Variants in DIP2C observed in about 807,000 individuals in gnomAD.
DIP2C encodes DIP2 acetate--CoA ligase C (putative).
In DIP2C, 33 loss-of-function variants were observed where a neutral mutation model predicts 192.4. That is an observed-to-expected ratio of 0.17 (90% CI 0.13 to 0.23). The LOEUF is 0.23. Ranked by LOEUF, DIP2C falls within the 10% of genes least tolerant of loss-of-function variation. DIP2C has a pLI of 1.00. For missense variants in DIP2C, 1,537 were observed against 2,110.1 expected (o/e 0.73, Z 5.32); for synonymous variants, 979 against 864.1 (o/e 1.13, Z -2.33).
chr10:667,920 ACT>A (rs2132121870), intron 1 of DIP2C: 1 of 152,240 alleles, frequency 6.6e-6, no homozygotes, highest in East Asian at 1.9e-4. Flanking sequence ...AACACATGCA[ACT>A]CACATTCAAC....
At chr10:488,843 C>G (rs1844215195) in intron 1 of DIP2C, among the ~76,000 whole-genome samples, 1 of 152,190 alleles carries the variant, frequency 6.6e-6, no homozygotes, top group South Asian at 2.1e-4. Flanking sequence ...GAACTGTGCC[C>G]CAACCCAGTT....
At chr10:438,554 A>T (rs989933777) in intron 4 of DIP2C, among the ~76,000 whole-genome samples, 1 of 152,048 alleles carries the variant, frequency 6.6e-6, no homozygotes, top group African/African-American at 2.4e-5. Flanking sequence ...CAGTGGCATG[A>T]CCATGGCTCA....
Position 414,737 on chromosome 10 carries a change from G to GTATATATATATATATATATATATA in DIP2C, c.860-628_860-627insTATATATATATATATATATATATA, listed in dbSNP as rs1213629573. On this transcript the variant is annotated intron_variant, in intron 7 of 36. Transcript: ENST00000280886. ...TGTGTGTGTGTGTGTGTGTGTGTGT[G>GTATATATATATATATATATATATA]TGTACATATATATATATATAATGTG... Among the ~76,000 whole-genome samples the GTATATATATATATATATATATATA allele has an allele frequency of 9.1e-4, 51 of 55,768 alleles. 2 individuals are homozygous for GTATATATATATATATATATATATA. The highest frequency in any genetic ancestry group is 2.7e-3 in the South Asian group (3 of 1,098). 36.6% of individuals were successfully genotyped at this position (55,768 alleles called of 152,430 possible). A position where few individuals can be genotyped will look rare whatever the true frequency, so the allele number is the denominator to read the frequency against.
rs375097817 is a variant in DIP2C at position 387,561 on chromosome 10, G to A, written c.1662+184C>T. ...GGACTCCTGTGTGGACAGGCAGGGC[G>A]GGGTGGGGGGCGACTCCTGTGTGGA... On this transcript the variant is annotated intron_variant, in intron 14 of 36. Coordinates refer to ENST00000280886, the MANE Select transcript of DIP2C (RefSeq NM_014974.3). 3.3e-3 allele frequency among the ~76,000 whole-genome samples: 477 copies of A among 145,396 alleles called. 5 individuals are homozygous for A. The highest frequency in any genetic ancestry group is 7.5e-3 in the Middle Eastern group (2 of 268).
intron 30 of DIP2C, among the ~76,000 whole-genome samples, chr10:327,539 G>T (rs906864002): frequency 1.3e-5 from 2 of 152,174 alleles, no homozygotes; most frequent in Non-Finnish European, 2.9e-5. Context: ...GGATGTACCA[G>T]AACACACACT....
intron 3 of DIP2C, among the ~76,000 whole-genome samples, chr10:457,607 G>T (rs1251541502): frequency 6.6e-6 from 1 of 152,080 alleles, no homozygotes; most frequent in Non-Finnish European, 1.5e-5. Context: ...CCAGAGTGGG[G>T]TGCAGTGATG....
At chr10:674,811 G>T (rs1402598553) in intron 1 of DIP2C, among the ~76,000 whole-genome samples, 3 of 142,058 alleles carry the variant, frequency 2.1e-5, no homozygotes, top group Non-Finnish European at 4.5e-5. Context: ...GAGAGAGAGA[G>T]AGAGAGAGAG....
chr10:614,696 T>G (rs1384230348), intron 1 of DIP2C, among the ~76,000 whole-genome samples: 1 of 152,218 alleles, frequency 6.6e-6, no homozygotes, highest in Admixed American at 6.5e-5. Flanking sequence ...TCCTTTCAAG[T>G]GTGTTTAGCT....
At chr10:576,203 G>T (rs1378776444) in intron 1 of DIP2C, among the ~76,000 whole-genome samples, 1 of 152,202 alleles carries the variant, frequency 6.6e-6, no homozygotes, top group Non-Finnish European at 1.5e-5. Flanking sequence ...GTATCAGTGG[G>T]GTTCTCCTGG....
At chr10:323,911 T>A (rs1444537231) in intron 31 of DIP2C, among the ~76,000 whole-genome samples, 3 of 152,176 alleles carry the variant, frequency 2.0e-5, no homozygotes, top group African/African-American at 7.2e-5. Context: ...GCTTCTCCAC[T>A]CTGCTTGTTT....
intron 4 of DIP2C, among the ~76,000 whole-genome samples, chr10:428,610 G>A (rs1966746771): frequency 6.6e-6 from 1 of 151,948 alleles, no homozygotes; most frequent in Non-Finnish European, 1.5e-5. Context: ...TCATGAACCT[G>A]GATGTGATTC....
intron 1 of DIP2C, among the ~76,000 whole-genome samples, chr10:518,293 G>C (rs1846490689): frequency 6.6e-6 from 1 of 152,262 alleles, no homozygotes; most frequent in Non-Finnish European, 1.5e-5. Flanking sequence ...GGCGTTGCCA[G>C]GATAGCTTAT....
intron 1 of DIP2C, chr10:662,862 CCA>C (rs1334639296): frequency 3.3e-5 from 24 of 717,388 alleles, no homozygotes; most frequent in Non-Finnish European, 4.9e-5. Flanking sequence ...GCCAGCAGAA[CCA>C]CACTCAGCAG....
At chr10:418,293 T>C (rs949477960) in intron 6 of DIP2C, among the ~76,000 whole-genome samples, 19 of 149,324 alleles carry the variant, frequency 1.3e-4, no homozygotes, top group Middle Eastern at 7.0e-3. Flanking sequence ...CCCGTCCACC[T>C]GTCGGAGCTC....
At chr10:553,139 C>T (rs1326001992) in intron 1 of DIP2C, among the ~76,000 whole-genome samples, 1 of 152,224 alleles carries the variant, frequency 6.6e-6, no homozygotes, top group African/African-American at 2.4e-5. Flanking sequence ...CTAAGAAGAG[C>T]CAGGCCAGGC....
At position 636,148 on chromosome 10, in the gene DIP2C, T is replaced by G. The variant is rs1854820894; in HGVS notation, c.85+53346A>C. The stretch of plus-strand genomic sequence containing the variant: ...AAAATAACTTTATCACAAGGAAAAC[T>G]AGGTGGTGAACCCAGGAGGAGGAAA... On this transcript the variant is annotated intron_variant, in intron 1 of 36. Transcript: ENST00000280886. The surrounding 1 kb of genome is among the most constrained non-coding windows in gnomAD (Gnocchi z 4.6). Among the ~76,000 whole-genome samples, 3 of 152,202 alleles carry G rather than the reference T, an allele frequency of 2.0e-5. No homozygotes were observed. The highest frequency in any genetic ancestry group is 4.2e-4 in the South Asian group (2 of 4,810).
chr10:435,647 TAAG>T (rs940664616), intron 4 of DIP2C, among the ~76,000 whole-genome samples: 7 of 152,320 alleles, frequency 4.6e-5, no homozygotes, highest in East Asian at 1.9e-4. Flanking sequence ...CTTGCAGGTT[TAAG>T]AAGAGCTGCT....
At chr10:318,712 G>A (rs1008070832) in intron 31 of DIP2C, among the ~76,000 whole-genome samples, 2 of 152,134 alleles carry the variant, frequency 1.3e-5, no homozygotes, top group African/African-American at 2.4e-5. Context: ...AGCAGGAAAG[G>A]GCATAAAGTT....
chr10:303,195 T>A (rs1056047916), intron 32 of DIP2C, among the ~76,000 whole-genome samples: 12 of 151,916 alleles, frequency 7.9e-5, no homozygotes, highest in African/African-American at 2.9e-4. Context: ...AGCTAAGACA[T>A]CATCCACGTG....
Sources: allele counts gnomAD v4.1 joint callset (sites outside exome capture counted in the v4.1 genomes callset), GRCh38; gene constraint gnomAD v4.1.1; non-coding constraint Gnocchi (gnomAD v3.1); transcripts MANE v1.5; gene names NCBI Gene and HGNC (gene_info 2026-07-23, HGNC 2026-07-21).